Variants in DPYD observed in about 807,000 individuals in gnomAD.
DPYD encodes dihydropyrimidine dehydrogenase.
A neutral mutation model predicts 116.2 loss-of-function variants in DPYD; 109 were observed. The ratio of observed to expected loss-of-function variants is 0.94; its 90% CI spans 0.80 to 1.10. DPYD has a LOEUF of 1.10. Ranked by LOEUF, DPYD falls within the 50% of genes least tolerant of loss-of-function variation. The pLI is 0.00. For synonymous variants in DPYD, 440 were observed against 432.0 expected, an observed-to-expected ratio of 1.02 and a Z score of -0.23; for missense variants, 1,302 against 1,254.5, an observed-to-expected ratio of 1.04 and a Z score of -0.57.
intron 11 of DPYD, among the ~76,000 whole-genome samples, chr1:97,555,668 A>G (rs1298051105): frequency 6.6e-6 from 1 of 151,988 alleles, no homozygotes; most frequent in Non-Finnish European, 1.5e-5. Flanking sequence ...TCACATGGGA[A>G]CTCTCTTTTC....
At chr1:97,341,326 T>G (rs888868238) in intron 16 of DPYD, among the ~76,000 whole-genome samples, 1 of 152,160 alleles carries the variant, frequency 6.6e-6, no homozygotes, top group African/African-American at 2.4e-5. Flanking sequence ...TTACATCAAG[T>G]TGAATTGCAA....
At chr1:97,637,873 T>A (rs1417458582) in intron 8 of DPYD, among the ~76,000 whole-genome samples, 1 of 152,114 alleles carries the variant, frequency 6.6e-6, no homozygotes, top group Non-Finnish European at 1.5e-5. Flanking sequence ...TCTGAAAGGA[T>A]GGAATAGAGA....
intron 8 of DPYD, among the ~76,000 whole-genome samples, chr1:97,656,966 A>ATTTTTTT (rs71590230): frequency 8.6e-6 from 1 of 116,512 alleles, no homozygotes; most frequent in Non-Finnish European, 1.8e-5. Flanking sequence ...GCATGATTGT[A>ATTTTTTT]TTTTTTTTTT....
In DPYD at chr1:97,205,965, G is replaced by A. The variant is rs1659562396; in HGVS notation, c.2443-12717C>T. On this transcript the variant is annotated intron_variant, in intron 19 of 22. Coordinates refer to ENST00000370192, the MANE Select transcript of DPYD (RefSeq NM_000110.4). ...ATCTCCAGCGCTTAATGGGAATGGG[G>A]TGGCAGGGAATGAATGGTGGACATT... Among the ~76,000 whole-genome samples the A allele has an allele frequency of 2.0e-5, 3 of 152,090 alleles. No homozygotes were observed. The South Asian group carries it at 6.2e-4, about 32-fold the overall frequency.
chr1:97,158,472 GACACACACACACACACACACAC>G (rs58771302), intron 20 of DPYD, among the ~76,000 whole-genome samples: 25 of 112,028 alleles, frequency 2.2e-4, no homozygotes, highest in African/African-American at 4.9e-4. Flanking sequence ...TAACTCACCA[GACACACACACACACACACACAC>G]ACACACACAC....
chr1:97,786,603 G>C (rs75677333), intron 3 of DPYD, among the ~76,000 whole-genome samples: 1 of 152,134 alleles, frequency 6.6e-6, no homozygotes, highest in Non-Finnish European at 1.5e-5. Flanking sequence ...GGAGACATTT[G>C]TATAAGTCAT....
chr1:97,509,109 A>G (rs1384682339), intron 13 of DPYD, among the ~76,000 whole-genome samples: 1 of 152,004 alleles, frequency 6.6e-6, no homozygotes, highest in Admixed American at 6.6e-5. Context: ...AGAAGAACTA[A>G]TATCATGTGA....
chr1:97,113,771 T>C (rs1242554595), intron 20 of DPYD, among the ~76,000 whole-genome samples: 2 of 152,036 alleles, frequency 1.3e-5, no homozygotes, highest in African/African-American at 2.4e-5. Flanking sequence ...ATTAATACAA[T>C]AAACAAGAAA....
chr1:97,550,718 G>GA (rs1387216652), intron 11 of DPYD, among the ~76,000 whole-genome samples: 1 of 152,062 alleles, frequency 6.6e-6, no homozygotes, highest in South Asian at 2.1e-4. Context: ...ACTCCAAAGA[G>GA]AAAATATTAG....
At chr1:97,746,397 A>G (rs1432873407) in intron 3 of DPYD, among the ~76,000 whole-genome samples, 1 of 152,062 alleles carries the variant, frequency 6.6e-6, no homozygotes, top group South Asian at 2.1e-4. Flanking sequence ...CACAACCCCA[A>G]TCAAGTACTT....
chr1:97,815,757 T>C (rs1048491959), intron 3 of DPYD, among the ~76,000 whole-genome samples: 1 of 152,192 alleles, frequency 6.6e-6, no homozygotes, highest in South Asian at 2.1e-4. Context: ...TGTTTGTCTT[T>C]AAGATGCACA....
chr1:97,255,979 A>G (rs2100829320), intron 18 of DPYD, among the ~76,000 whole-genome samples: 1 of 152,216 alleles, frequency 6.6e-6, no homozygotes, highest in African/African-American at 2.4e-5. Flanking sequence ...TTTATAAACA[A>G]GATCTCCTAG....
At chr1:97,899,404 T>C (rs781704091) in intron 1 of DPYD, among the ~76,000 whole-genome samples, 8 of 151,942 alleles carry the variant, frequency 5.3e-5, no homozygotes, top group Non-Finnish European at 1.2e-4. Context: ...AGCTTGTGGG[T>C]GACTTCCTCT....
chr1:97,605,861 CTTTCTTGATATTT>C lies in DPYD; in HGVS notation c.851-10708_851-10696del, dbSNP rs1557832653. Among the ~76,000 whole-genome samples, 5 of 151,974 alleles carry C rather than the reference CTTTCTTGATATTT, an allele frequency of 3.3e-5. No individual in the cohort carries two copies. The South Asian group carries it at 8.3e-4, about 25-fold the overall frequency. On this transcript the variant is annotated intron_variant, in intron 8 of 22. Transcript: ENST00000370192. Reference sequence around the variant, plus strand: ...AAATCTATTATTTTCATATGCATACCTTTCTTGATATTTTTTCTTCCTTGATATTTAACACAAT... The same window carrying C: ...AAATCTATTATTTTCATATGCATACCTTTCTTCCTTGATATTTAACACAAT...
At chr1:97,215,338 T>C (rs182629733) in intron 19 of DPYD, among the ~76,000 whole-genome samples, 50 of 152,268 alleles carry the variant, frequency 3.3e-4, no homozygotes, top group Admixed American at 3.0e-3. Context: ...TAAGGTGGAG[T>C]TCTCAGTGAC....
chr1:97,704,737 G>A (rs1010723012), intron 5 of DPYD, among the ~76,000 whole-genome samples: 1 of 151,470 alleles, frequency 6.6e-6, no homozygotes, highest in East Asian at 1.9e-4. Flanking sequence ...TGGCTCTTTC[G>A]GTGAGAAAGA....
chr1:97,804,915 G>T (rs1668011735), intron 3 of DPYD, among the ~76,000 whole-genome samples: 1 of 151,758 alleles, frequency 6.6e-6, no homozygotes, highest in African/African-American at 2.4e-5. Flanking sequence ...TACATATGAG[G>T]TAGCTGCAAT....
At chr1:97,287,818 C>T (rs1160006365) in intron 18 of DPYD, among the ~76,000 whole-genome samples, 1 of 152,048 alleles carries the variant, frequency 6.6e-6, no homozygotes, top group East Asian at 1.9e-4. Context: ...CCTGATTTTC[C>T]AGGTGCCATC....
At position 97,511,049 on chromosome 1, in the gene DPYD, A is replaced by G. The variant is rs531324308; in HGVS notation, c.1740+4677T>C. Among the ~76,000 whole-genome samples, 8 of 151,978 alleles carry G rather than the reference A, an allele frequency of 5.3e-5. No homozygotes were observed. The East Asian group carries it at 1.4e-3, about 26-fold the overall frequency. On this transcript the variant is annotated intron_variant, in intron 13 of 22. Coordinates refer to ENST00000370192, the MANE Select transcript of DPYD (RefSeq NM_000110.4). ...GAACATCTTGATCCCCAGGGATCCA[A>G]ACAACCAACTGTAAATGCATGATTG...
Sources: allele counts gnomAD v4.1 joint callset (sites outside exome capture counted in the v4.1 genomes callset), GRCh38; gene constraint gnomAD v4.1.1; transcripts MANE v1.5; gene names NCBI Gene and HGNC (gene_info 2026-07-23, HGNC 2026-07-21).